Variants in NUFIP1 observed in about 807,000 individuals in gnomAD.
The protein encoded by NUFIP1 is FMR1-interacting protein NUFIP1.
NUFIP1 carries 38 observed loss-of-function variants against 56.2 expected under a neutral mutation model. The observed-to-expected ratio is 0.68, with a 90% CI of 0.52 to 0.89. The LOEUF is 0.89. Among genes scored for constraint, NUFIP1 ranks in the 40% least tolerant of loss-of-function variants. NUFIP1 has a pLI of 0.00. For synonymous variants in NUFIP1, 215 were observed against 212.4 expected (o/e 1.01, Z -0.10); for missense variants, 567 against 605.8 (o/e 0.94, Z 0.67).
intron 1 of NUFIP1, among the ~76,000 whole-genome samples, chr13:44,986,461 G>A (rs1213938878): frequency 6.6e-6 from 1 of 152,156 alleles, no homozygotes; most frequent in Non-Finnish European, 1.5e-5. Context: ...GGAGGCTGAG[G>A]TGGGTGGATC....
Position 44,987,413 on chromosome 13 carries a change from T to C in NUFIP1, c.412+1612A>G, listed in dbSNP as rs145924464. On this transcript the variant is annotated intron_variant, in intron 1 of 9. Transcript: ENST00000379161. The stretch of plus-strand genomic sequence containing the variant: ...AAAAATAAATAAAGTGCCCAGATTA[T>C]AGGTGTGAGCTACCCTGCTCAGCCT... Among the ~76,000 whole-genome samples, 4 of 152,240 alleles carry C rather than the reference T, an allele frequency of 2.6e-5. No homozygotes were observed. In the East Asian group the frequency reaches 7.7e-4, roughly 29 times the overall value.
intron 5 of NUFIP1, among the ~76,000 whole-genome samples, chr13:44,971,595 AT>A (rs778171060): frequency 2.8e-4 from 42 of 152,142 alleles, no homozygotes; most frequent in South Asian, 6.2e-4. Context: ...TTCCTTAACA[AT>A]TTTGTTTCAG....
At chr13:44,961,035 G>A (rs1404979089) in intron 6 of NUFIP1, among the ~76,000 whole-genome samples, 1 of 137,216 alleles carries the variant, frequency 7.3e-6, no homozygotes, top group Non-Finnish European at 1.5e-5. Context: ...CCCGGGCAAA[G>A]TAAGACTCTG....
chr13:44,974,318 A>C (rs1457270749), intron 5 of NUFIP1, among the ~76,000 whole-genome samples: 3 of 152,212 alleles, frequency 2.0e-5, no homozygotes, highest in Non-Finnish European at 2.9e-5. Context: ...AAGGAAGCTG[A>C]GATATCGACA....
At chr13:44,982,364 A>C (rs1178851470) in intron 1 of NUFIP1, among the ~76,000 whole-genome samples, 1 of 152,212 alleles carries the variant, frequency 6.6e-6, no homozygotes, top group Admixed American at 6.5e-5. Flanking sequence ...TGGTGTGATT[A>C]TATGTCCACA....
chr13:44,956,410 G>A (rs200108441), intron 7 of NUFIP1, among the ~76,000 whole-genome samples: 3 of 152,136 alleles, frequency 2.0e-5, no homozygotes, highest in East Asian at 3.9e-4. Flanking sequence ...AAGACAGAGG[G>A]TGGGGGGTGG....
intron 6 of NUFIP1, among the ~76,000 whole-genome samples, chr13:44,962,016 C>T (rs1426914702): frequency 6.6e-6 from 1 of 151,862 alleles, no homozygotes; most frequent in Non-Finnish European, 1.5e-5. Context: ...ATGTAATCAA[C>T]CATCTAAAAA....
chr13:44,952,465 G>GA (rs1871114493), intron 7 of NUFIP1, among the ~76,000 whole-genome samples: 1 of 151,898 alleles, frequency 6.6e-6, no homozygotes, highest in African/African-American at 2.4e-5. Context: ...GAAAATAACA[G>GA]AAAAAAATAA....
At position 44,956,141 on chromosome 13, in the gene NUFIP1, C is replaced by CAA. The variant is rs371458350; in HGVS notation, c.1021+3238_1021+3239dup. Among the ~76,000 whole-genome samples the CAA allele has an allele frequency of 2.7e-3, 167 of 61,114 alleles. 2 individuals carry two copies. Among genetic ancestry groups the CAA allele is most frequent in the African/African-American group, 7.5e-3 (121 of 16,162 alleles). 40.1% of individuals were successfully genotyped at this position (61,114 alleles called of 152,430 possible). A position where few individuals can be genotyped will look rare whatever the true frequency, so the allele number is the denominator to read the frequency against. On this transcript the variant is annotated intron_variant, in intron 7 of 9. Coordinates refer to ENST00000379161, the MANE Select transcript of NUFIP1 (RefSeq NM_012345.3). ...CCTGGGCGACAGCGAGACTCCGTCT[C>CAA]AAAAAAAAAAAAAAAAAAAAAGAAT...
intron 1 of NUFIP1, among the ~76,000 whole-genome samples, chr13:44,982,781 AG>A (rs2137925966): frequency 6.6e-6 from 1 of 152,234 alleles, no homozygotes; most frequent in Admixed American, 6.5e-5. Flanking sequence ...CTGAGACAGG[AG>A]AACTACTCAA....
intron 6 of NUFIP1, among the ~76,000 whole-genome samples, chr13:44,965,637 T>A (rs1358290569): frequency 6.6e-6 from 1 of 152,048 alleles, no homozygotes; most frequent in African/African-American, 2.4e-5. Flanking sequence ...GAACTTGCAG[T>A]GAGCCGAGAT....
intron 7 of NUFIP1, 52 bp downstream of exon 7, chr13:44,959,329 C>A: frequency 6.7e-7 from 1 of 1,495,910 alleles, no homozygotes; most frequent in East Asian, 2.3e-5. Flanking sequence ...TAATCAACTT[C>A]AGCATCATTG....
chr13:44,956,938 A>G (rs986350716), intron 7 of NUFIP1, among the ~76,000 whole-genome samples: 1 of 152,176 alleles, frequency 6.6e-6, no homozygotes, highest in African/African-American at 2.4e-5. Flanking sequence ...GGTAAAGGAT[A>G]AGGTGAATTT....
chr13:44,987,705 T>C (rs889910786), intron 1 of NUFIP1, among the ~76,000 whole-genome samples: 1 of 152,200 alleles, frequency 6.6e-6, no homozygotes, highest in Non-Finnish European at 1.5e-5. Context: ...GGCTTCACCC[T>C]GGTCCAAGTC....
intron 5 of NUFIP1, among the ~76,000 whole-genome samples, chr13:44,970,148 T>C (rs183550157): frequency 6.6e-6 from 1 of 152,312 alleles, no homozygotes; most frequent in Admixed American, 6.5e-5. Flanking sequence ...TACCACTCAT[T>C]TTCCCTAAAG....
intron 5 of NUFIP1, among the ~76,000 whole-genome samples, chr13:44,977,959 G>GA (rs1416337671): frequency 6.6e-6 from 1 of 152,178 alleles, no homozygotes; most frequent in Non-Finnish European, 1.5e-5. Flanking sequence ...TGAGGCAGGA[G>GA]AATCACTTGA....
chr13:44,946,992 T>A lies in NUFIP1; in HGVS notation c.1138+2730A>T, dbSNP rs554728913. Among the ~76,000 whole-genome samples, 15 of 152,308 alleles carry A rather than the reference T, an allele frequency of 9.8e-5. No individual in the cohort carries two copies. The South Asian group carries it at 2.9e-3, about 29-fold the overall frequency. On this transcript the variant is annotated intron_variant, in intron 8 of 9. Coordinates refer to ENST00000379161, the MANE Select transcript of NUFIP1 (RefSeq NM_012345.3). The stretch of plus-strand genomic sequence containing the variant: ...GGAATGTGAAGCAAGGGTTTTTTCC[T>A]TAAAGCAGGACATTTTAACAATTAG...
intron 5 of NUFIP1, among the ~76,000 whole-genome samples, chr13:44,968,615 A>C (rs1201055960): frequency 6.6e-6 from 1 of 152,190 alleles, no homozygotes; most frequent in Non-Finnish European, 1.5e-5. Flanking sequence ...AATGAGAAAA[A>C]CAGTAATGAT....
chr13:44,989,301 G>A lies in NUFIP1; in HGVS notation c.136C>T (p.Pro46Ser). The part of the protein sequence containing the change: ...SWMFWAMLPP[P>S]PPPLTSSLPA... ...AGCGAGGACGTAAGTGGTGGTGGCG[G>A]TGGCGGCAGCATTGCCCAGAACATC... Residue 46 changes from proline to serine, a missense_variant, in exon 1 of 10, where the codon CCG becomes TCG. Transcript: ENST00000379161. 2 of 1,613,430 alleles carry A rather than the reference G, an allele frequency of 1.2e-6. No individual in the cohort carries two copies. Among genetic ancestry groups the A allele is most frequent in the Non-Finnish European group, 1.7e-6 (2 of 1,179,862 alleles).
Sources: gnomAD v4.1 joint callset for allele counts (sites outside exome capture counted in the v4.1 genomes callset) on GRCh38, gnomAD v4.1.1 for gene constraint, MANE v1.5 for transcripts, NCBI Gene and HGNC (gene_info 2026-07-23, HGNC 2026-07-21) for gene names.